ARCN1: variants seen among roughly 807,000 people sequenced by gnomAD.
The protein encoded by ARCN1 is coatomer subunit delta.
Under a neutral mutation model 60.4 loss-of-function variants are expected in ARCN1, and 5 were observed. The observed-to-expected ratio is 0.08, with a 90% CI of 0.04 to 0.17. The LOEUF is 0.17. Ranked by LOEUF, ARCN1 falls within the 10% of genes least tolerant of loss-of-function variation. The pLI is 1.00. For synonymous variants in ARCN1, 224 were observed against 220.0 expected, an observed-to-expected ratio of 1.02 and a Z score of -0.16; for missense variants, 464 against 626.5, an observed-to-expected ratio of 0.74 and a Z score of 2.77.
chr11:118,583,052 T>A (rs530820100), intron 2 of ARCN1, 127 bp from the exon 3 acceptor site: 1 of 1,132,720 alleles, frequency 8.8e-7, no homozygotes, highest in South Asian at 1.4e-5. Flanking sequence ...AAAAATAAAA[T>A]AAAGACTAGA....
intron 6 of ARCN1, among the ~76,000 whole-genome samples, chr11:118,591,580 A>T (rs781910308): frequency 6.6e-6 from 1 of 151,616 alleles, no homozygotes; most frequent in Non-Finnish European, 1.5e-5. Context: ...TTTAGTAAAG[A>T]TGGGGTTTCA....
intron 1 of ARCN1, among the ~76,000 whole-genome samples, chr11:118,578,219 G>T (rs2135535424): frequency 6.6e-6 from 1 of 150,804 alleles, no homozygotes; most frequent in African/African-American, 2.4e-5. Context: ...AAATAAAGTG[G>T]ATAGTAACAT....
At chr11:118,583,135 T>C (rs1555074901) in intron 2 of ARCN1, 44 bp from the exon 3 acceptor site, 1 of 1,593,974 alleles carries the variant, frequency 6.3e-7, no homozygotes, top group Non-Finnish European at 8.6e-7. Context: ...ATATAGCTGC[T>C]GATAAATTCT....
chr11:118,575,864 A>C (rs1938484218), intron 1 of ARCN1, among the ~76,000 whole-genome samples: 1 of 152,124 alleles, frequency 6.6e-6, no homozygotes, highest in Admixed American at 6.5e-5. Flanking sequence ...ATGGTTAGAC[A>C]ATTTGCCTTC....
In ARCN1 at chr11:118,578,870, CTCTCT is replaced by C. The variant is rs1483120268; in HGVS notation, c.4-2374_4-2370del. On this transcript the variant is annotated intron_variant, in intron 1 of 9. Coordinates refer to ENST00000264028, the MANE Select transcript of ARCN1 (RefSeq NM_001655.5). ...CCTGGGCAACATGGCAAAACCCCGT[CTCTCT>C]TTTTTTTTTTTTTTTTTTTTTTTTT... Among the ~76,000 whole-genome samples the C allele has an allele frequency of 1.3e-3, 111 of 86,934 alleles. 1 individual carries two copies. The highest frequency in any genetic ancestry group is 1.8e-3 in the Non-Finnish European group (84 of 47,374). 57.0% of individuals were successfully genotyped at this position (86,934 alleles called of 152,430 possible).
intron 1 of ARCN1, chr11:118,572,990 C>A (rs1322379548): frequency 1.1e-5 from 2 of 188,532 alleles, no homozygotes; most frequent in East Asian, 1.3e-4. Flanking sequence ...CTCCCACCCC[C>A]GGTGTTTGCT....
chr11:118,578,039 G>A (rs1329271714), intron 1 of ARCN1, among the ~76,000 whole-genome samples: 1 of 152,082 alleles, frequency 6.6e-6, no homozygotes, highest in African/African-American at 2.4e-5. Flanking sequence ...GCCTGTGCCT[G>A]TAGTCCCAGT....
intron 6 of ARCN1, among the ~76,000 whole-genome samples, chr11:118,592,085 C>T (rs2135551104): frequency 6.6e-6 from 1 of 152,090 alleles, no homozygotes; most frequent in East Asian, 1.9e-4. Context: ...CATGTCCAGC[C>T]CCAGCTAACT....
Position 118,592,672 on chromosome 11 carries a change from C to T in ARCN1, c.985-37C>T, listed in dbSNP as rs1396764041. On this transcript the variant is annotated intron_variant, in intron 6 of 9. Coordinates refer to ENST00000264028, the MANE Select transcript of ARCN1 (RefSeq NM_001655.5). ...TAGTGAGGGGTTGTTTCTCGTCTAT[C>T]TGAACCTCAGGAGTTTTCCTTTCCC... is the stretch of plus-strand genomic sequence containing the variant. 3.1e-6 allele frequency: 5 copies of T among 1,588,644 alleles called. No individual in the cohort carries two copies. In the East Asian group the frequency reaches 1.1e-4, roughly 36 times the overall value.
chr11:118,575,468 T>TAGA (rs1938473333), intron 1 of ARCN1, among the ~76,000 whole-genome samples: 1 of 151,926 alleles, frequency 6.6e-6, no homozygotes, highest in Non-Finnish European at 1.5e-5. Flanking sequence ...TGTTTTAGAA[T>TAGA]AGAAATGTGA....
At chr11:118,576,245 A>G (rs1417471885) in intron 1 of ARCN1, among the ~76,000 whole-genome samples, 1 of 151,918 alleles carries the variant, frequency 6.6e-6, no homozygotes, top group Non-Finnish European at 1.5e-5. Flanking sequence ...TAGTGTACTC[A>G]AACCATGTAA....
In ARCN1 at chr11:118,600,838, G is replaced by A. The variant is rs1939131679; in HGVS notation, c.*124G>A. The A allele has an allele frequency of 1.1e-5, 7 of 633,844 alleles. No individual in the cohort carries two copies. Among genetic ancestry groups the A allele is most frequent in the East Asian group, 8.8e-5 (3 of 34,086 alleles). The allele number at this position is 633,844 out of a possible 1,614,324, so 39.3% of individuals were successfully genotyped here. On this transcript the variant is annotated 3_prime_UTR_variant, in exon 10 of 10. Coordinates refer to ENST00000264028, the MANE Select transcript of ARCN1 (RefSeq NM_001655.5). ...ACCCCTTTTTTCTGATACAATGCAC[G>A]ATTCTCTGCGCGCAAGGACCCTCGA...
At chr11:118,572,601 C>T (rs782277914) in intron 1 of ARCN1, 51 bp downstream of exon 1, 1 of 1,591,306 alleles carries the variant, frequency 6.3e-7, no homozygotes, top group Non-Finnish European at 8.5e-7. Flanking sequence ...CTCACCGTCT[C>T]TCCTTGTCGG....
chr11:118,601,595 A>T lies in ARCN1; in HGVS notation c.*881A>T. The T allele has an allele frequency of 1.4e-6, 1 of 702,118 alleles. No homozygotes were observed. Among genetic ancestry groups the T allele is most frequent in the Non-Finnish European group, 2.6e-6 (1 of 384,510 alleles). 43.5% of individuals were successfully genotyped at this position (702,118 alleles called of 1,614,324 possible). ...CCCATTCTTGATTTTTGGACTATTC[A>T]GGTGAACTATTTGAGGGGTATGGGG... On this transcript the variant is annotated 3_prime_UTR_variant, in exon 10 of 10. Transcript: ENST00000264028.
chr11:118,589,194 A>G (rs1938841993), intron 5 of ARCN1, among the ~76,000 whole-genome samples: 1 of 152,218 alleles, frequency 6.6e-6, no homozygotes, highest in African/African-American at 2.4e-5. Flanking sequence ...TCAGGGAAAA[A>G]AAATCAAATG....
intron 8 of ARCN1, among the ~76,000 whole-genome samples, chr11:118,595,979 A>G (rs1157646516): frequency 2.0e-5 from 3 of 152,082 alleles, no homozygotes; most frequent in African/African-American, 7.2e-5. Context: ...AGGCAGGAGA[A>G]TGGTGTGAAG....
Position 118,592,705 on chromosome 11 carries a change from C to G in ARCN1, c.985-4C>G, listed in dbSNP as rs1244692484. The G allele has an allele frequency of 1.2e-6, 2 of 1,613,300 alleles. No individual in the cohort carries two copies. Among genetic ancestry groups the G allele is most frequent in the Non-Finnish European group, 1.7e-6 (2 of 1,179,560 alleles). On this transcript the variant is annotated splice_polypyrimidine_tract_variant and splice_region_variant and intron_variant, in intron 6 of 9. Transcript: ENST00000264028. ...CAGGAGTTTTCCTTTCCCTCTCATT[C>G]TAGACCCATCCAAATGTGGATAAAA...
At chr11:118,581,933 G>GACACACACAC (rs1161304214) in intron 2 of ARCN1, among the ~76,000 whole-genome samples, 23 of 132,146 alleles carry the variant, frequency 1.7e-4, no homozygotes, top group African/African-American at 6.8e-4. Context: ...CAGACAGACA[G>GACACACACAC]ACAGACACAC....
At chr11:118,574,487 A>G (rs1283348440) in intron 1 of ARCN1, among the ~76,000 whole-genome samples, 1 of 152,226 alleles carries the variant, frequency 6.6e-6, no homozygotes, top group East Asian at 1.9e-4. Flanking sequence ...ACTAGATTCT[A>G]TAACTAACAT....
Sources: allele counts gnomAD v4.1 joint callset (sites outside exome capture counted in the v4.1 genomes callset), GRCh38; gene constraint gnomAD v4.1.1; transcripts MANE v1.5; gene names NCBI Gene and HGNC (gene_info 2026-07-23, HGNC 2026-07-21).